Variants in DNAH7 observed in about 807,000 individuals in gnomAD.
DNAH7 encodes dynein axonemal heavy chain 7.
In DNAH7, 397 loss-of-function variants were observed where a neutral mutation model predicts 444.6. That is an observed-to-expected ratio of 0.89 (90% CI 0.82 to 0.97). The LOEUF (loss-of-function observed/expected upper bound fraction) is 0.97. DNAH7 is among the 50% of genes least tolerant of loss of function. The pLI, the probability that DNAH7 is intolerant of heterozygous loss-of-function variation, is 0.00. For synonymous variants in DNAH7, 1,636 were observed against 1,624.4 expected, an observed-to-expected ratio of 1.01 and a Z score of -0.17; for missense variants, 4,902 against 4,800.8, an observed-to-expected ratio of 1.02 and a Z score of -0.62.
Position 195,853,378 on chromosome 2 carries a change from C to CT in DNAH7, c.8745_8746insA (p.Ala2916SerfsTer11), listed in dbSNP as rs1240662928. 1 of 1,614,042 alleles carries CT rather than the reference C, an allele frequency of 6.2e-7. No individual in the cohort carries two copies. Among genetic ancestry groups the CT allele is most frequent in the East Asian group, 2.2e-5 (1 of 44,868 alleles). On this transcript the variant is annotated frameshift_variant, in exon 46 of 65. Coordinates refer to ENST00000312428, the MANE Select transcript of DNAH7 (RefSeq NM_018897.3). LOFTEE classifies it high-confidence loss of function. ...GTGGATGTGAAGGCTCCGAGGTAAG[C>CT]AACCACTCCGGAGGAAATGAGGATA... is the stretch of plus-strand genomic sequence containing the variant.
At position 195,853,505 on chromosome 2, in the gene DNAH7, T is replaced by C. The variant is rs1355019962; in HGVS notation, c.8619A>G (p.Leu2873=). The part of the protein sequence containing the change: ...ENQVDLCSKK[L]ERAEQLIGGL... The stretch of plus-strand genomic sequence containing the variant: ...CTCCAATCAACTGTTCAGCTCGTTC[T>C]AGTTTTTTGCTGCAAAGGTCAACCT... Residue 2873 remains leucine, a synonymous_variant, in exon 46 of 65, where the codon CTA becomes CTG. Transcript: ENST00000312428. 6 of 1,610,086 alleles carry C rather than the reference T, an allele frequency of 3.7e-6. No individual in the cohort carries two copies. Among genetic ancestry groups the C allele is most frequent in the Non-Finnish European group, 5.1e-6 (6 of 1,178,026 alleles).
chr2:195,841,401 C>T (rs1190881937), intron 47 of DNAH7, among the ~76,000 whole-genome samples: 2 of 151,742 alleles, frequency 1.3e-5, no homozygotes, highest in Non-Finnish European at 3.0e-5. Context: ...TCTTTTTTAT[C>T]CAAAGACAGG....
At chr2:196,031,610 G>A (rs4850378) in intron 5 of DNAH7, among the ~76,000 whole-genome samples, 37,304 of 152,008 alleles carry the variant, frequency 0.25, 7,392 homozygotes, top group African/African-American at 0.54. Flanking sequence ...CTGCCTAGAA[G>A]TTTCTTCCAC....
At chr2:196,048,187 C>T (rs969392780) in intron 4 of DNAH7, 109 bp downstream of exon 4, 13 of 935,194 alleles carry the variant, frequency 1.4e-5, no homozygotes, top group Admixed American at 2.9e-5. Flanking sequence ...TTCTACTTGA[C>T]ATTAATGTCA....
intron 19 of DNAH7, among the ~76,000 whole-genome samples, chr2:195,956,690 AC>A: frequency 6.6e-6 from 1 of 151,658 alleles, no homozygotes; most frequent in South Asian, 2.1e-4. Flanking sequence ...CAAAAAACGT[AC>A]TTTTTTTTAG....
At chr2:195,765,965 A>G (rs534288468) in intron 61 of DNAH7, among the ~76,000 whole-genome samples, 1 of 152,234 alleles carries the variant, frequency 6.6e-6, no homozygotes, top group African/African-American at 2.4e-5. Flanking sequence ...CCAAGATATG[A>G]AAGCAACCTG....
rs765905199 is a variant in DNAH7, at chr2:195,771,687, C to T, written c.11406G>A (p.Ser3802=). Residue 3802 remains serine (S), a synonymous_variant, in exon 61 of 65, where the codon TCG becomes TCA. Transcript: ENST00000312428. ...TGATTGCTTTTTGAATATTTACGCA[C>T]GAATCTCTTATGGTCTTCAGTAACT... is the stretch of plus-strand genomic sequence containing the variant. ...FNKLLKTIRD[S]CVNIQKAIKG... is the part of the protein sequence containing the mutation. The T allele has an allele frequency of 2.0e-4, 321 of 1,613,398 alleles. No homozygotes were observed. The highest frequency in any genetic ancestry group is 2.2e-4 in the Non-Finnish European group (261 of 1,179,546).
chr2:195,837,712 A>G (rs1243865780), intron 47 of DNAH7, among the ~76,000 whole-genome samples: 1 of 152,182 alleles, frequency 6.6e-6, no homozygotes, highest in Non-Finnish European at 1.5e-5. Context: ...CCCCACTCAC[A>G]GAACTGTATT....
chr2:195,940,196 C>T (rs1689329680), intron 19 of DNAH7, among the ~76,000 whole-genome samples: 1 of 152,096 alleles, frequency 6.6e-6, no homozygotes, highest in Admixed American at 6.6e-5. Context: ...TGGAACAGAA[C>T]AGAGACCTCA....
chr2:195,960,242 A>T lies in DNAH7; in HGVS notation c.2891+18T>A. 6.4e-7 allele frequency: 1 copy of T among 1,570,976 alleles called. No homozygotes were observed. Among genetic ancestry groups the T allele is most frequent in the South Asian group, 1.2e-5 (1 of 83,366 alleles). ...TTGGTAACATAGCATAAACATTGCC[A>T]TATAAATATCACTTTACCTCATTTG... On this transcript the variant is annotated intron_variant, in intron 18 of 64. Coordinates refer to ENST00000312428, the MANE Select transcript of DNAH7 (RefSeq NM_018897.3).
chr2:195,987,923 G>A, intron 13 of DNAH7, 34 bp downstream of exon 13: 1 of 1,542,316 alleles, frequency 6.5e-7, no homozygotes, highest in Non-Finnish European at 8.8e-7. Context: ...ATACCAGATA[G>A]AGATAACAGT....
intron 58 of DNAH7, among the ~76,000 whole-genome samples, chr2:195,780,675 T>C (rs1695326781): frequency 6.6e-6 from 1 of 151,970 alleles, no homozygotes; most frequent in Non-Finnish European, 1.5e-5. Context: ...CACTTGAACC[T>C]GGGAGGTGGA....
intron 27 of DNAH7, chr2:195,903,682 A>G (rs1196041704): frequency 6.6e-6 from 1 of 152,182 alleles, no homozygotes. Context: ...TACAGTAAGT[A>G]TGATCTTCTC....
intron 53 of DNAH7, 62 bp downstream of exon 53, chr2:195,808,620 G>T: frequency 1.9e-6 from 3 of 1,571,086 alleles, no homozygotes; most frequent in Non-Finnish European, 2.6e-6. Flanking sequence ...TTTATGAAAA[G>T]ATACTTAACA....
At chr2:195,967,398 CAATT>C (rs1355491177) in intron 17 of DNAH7, among the ~76,000 whole-genome samples, 1 of 152,170 alleles carries the variant, frequency 6.6e-6, no homozygotes, top group African/African-American at 2.4e-5. Context: ...TTACATACCA[CAATT>C]AAACAGTATT....
At chr2:195,778,669 T>TACACACACAC (rs1198664361) in intron 58 of DNAH7, among the ~76,000 whole-genome samples, 1 of 64,098 alleles carries the variant, frequency 1.6e-5, no homozygotes, top group African/African-American at 7.8e-5. Context: ...TATATATATA[T>TACACACACAC]ACACACACAC....
At chr2:196,065,991 C>A (rs1698408208) in intron 1 of DNAH7, among the ~76,000 whole-genome samples, 1 of 152,176 alleles carries the variant, frequency 6.6e-6, no homozygotes, top group Non-Finnish European at 1.5e-5. Context: ...CAGTTAAGTC[C>A]TTTTGAGTAT....
chr2:195,934,460 C>G, intron 21 of DNAH7, 131 bp downstream of exon 21: 1 of 988,874 alleles, frequency 1.0e-6, no homozygotes, highest in Admixed American at 2.4e-5. Flanking sequence ...TTCAAGTTAT[C>G]TATCACATTT....
At chr2:195,826,806 G>T (rs1697779645) in intron 48 of DNAH7, among the ~76,000 whole-genome samples, 2 of 152,116 alleles carry the variant, frequency 1.3e-5, no homozygotes, top group East Asian at 3.9e-4. Flanking sequence ...GTCAGCTCAA[G>T]GCTGAAAGGA....
Sources: allele counts gnomAD v4.1 joint callset (sites outside exome capture counted in the v4.1 genomes callset), GRCh38; gene constraint gnomAD v4.1.1; transcripts MANE v1.5; gene names NCBI Gene and HGNC (gene_info 2026-07-23, HGNC 2026-07-21).